FREM2: variants seen among roughly 807,000 people sequenced by gnomAD.
FREM2 encodes the protein FRAS1 related extracellular matrix 2.
FREM2 carries 119 observed loss-of-function variants against 219.9 expected under a neutral mutation model. The observed-to-expected ratio is 0.54, with a 90% CI of 0.47 to 0.63. FREM2 has a LOEUF of 0.63. Among genes scored for constraint, FREM2 ranks in the 30% least tolerant of loss-of-function variants. The pLI is 0.00. For missense variants in FREM2, 4,030 were observed against 3,993.6 expected, an observed-to-expected ratio of 1.01 and a Z score of -0.25; for synonymous variants, 1,562 against 1,522.8, an observed-to-expected ratio of 1.03 and a Z score of -0.60.
At position 38,784,702 on chromosome 13, in the gene FREM2, C is replaced by G. The variant is rs758752490; in HGVS notation, c.5913C>G (p.Tyr1971Ter). The change falls in exon 6 of 24, where the codon TAC (tyrosine) becomes TAG (stop). Residue 1971 changes from tyrosine (Y) to a stop codon, truncating the protein, a stop_gained. Transcript: ENST00000280481. LOFTEE classifies it high-confidence loss of function. ...TAGTCATAATTGATGACTCTTTGTA[C>G]GAGGAGGAGGAAACCTTCCATGTCC... is the stretch of plus-strand genomic sequence containing the variant. ...CRIVIIDDSL[Y>*]EEEETFHVLL... The G allele has an allele frequency of 1.2e-6, 2 of 1,613,952 alleles. No individual in the cohort carries two copies. Among genetic ancestry groups the G allele is most frequent in the Non-Finnish European group, 1.7e-6 (2 of 1,180,000 alleles).
chr13:38,732,604 C>T (rs1384410666), intron 2 of FREM2, among the ~76,000 whole-genome samples: 2 of 152,182 alleles, frequency 1.3e-5, no homozygotes, highest in Non-Finnish European at 2.9e-5. Flanking sequence ...AAATCAGACA[C>T]AACTGGGTTG....
Position 38,876,392 on chromosome 13 carries a change from A to G in FREM2, c.8544+10A>G, listed in dbSNP as rs1332033022. The G allele has an allele frequency of 1.2e-6, 2 of 1,611,874 alleles. No homozygotes were observed. The highest frequency in any genetic ancestry group is 2.2e-5 in the South Asian group (2 of 91,034). ...CATCCGATTCCAACAGGTGTGGCTT[A>G]TAGAATTACTATCTTATGACTTGCA... On this transcript the variant is annotated intron_variant, in intron 20 of 23. Transcript: ENST00000280481.
Position 38,774,190 on chromosome 13 carries a change from C to T in FREM2, c.5641+4382C>T, listed in dbSNP as rs1394004036. Among the ~76,000 whole-genome samples, 6 of 152,124 alleles carry T rather than the reference C, an allele frequency of 3.9e-5. No homozygotes were observed. In the East Asian group the frequency reaches 1.2e-3, roughly 29 times the overall value. ...AAACAACACAGTAATTTCTTCCCGT[C>T]TTATGCTCTTCTCTTTTCTCTTTCT... is the stretch of plus-strand genomic sequence containing the variant. On this transcript the variant is annotated intron_variant, in intron 4 of 23. Transcript: ENST00000280481.
At chr13:38,782,427 G>A (rs2137828958) in intron 4 of FREM2, among the ~76,000 whole-genome samples, 1 of 152,144 alleles carries the variant, frequency 6.6e-6, no homozygotes, top group Non-Finnish European at 1.5e-5. Flanking sequence ...ATGTTATTCT[G>A]TCAGGAGTGA....
At chr13:38,834,157 A>C (rs1201063940) in intron 6 of FREM2, among the ~76,000 whole-genome samples, 4 of 152,006 alleles carry the variant, frequency 2.6e-5, no homozygotes, top group African/African-American at 9.6e-5. Context: ...TCCTAATGCT[A>C]TCCCTCCCCT....
chr13:38,748,407 A>T (rs1289272976), intron 2 of FREM2, among the ~76,000 whole-genome samples: 6 of 152,240 alleles, frequency 3.9e-5, no homozygotes, highest in Admixed American at 3.9e-4. Flanking sequence ...TCTAACTATT[A>T]GTGTCAAATA....
intron 2 of FREM2, among the ~76,000 whole-genome samples, chr13:38,705,116 C>A (rs1470262116): frequency 6.6e-6 from 1 of 152,138 alleles, no homozygotes; most frequent in East Asian, 1.9e-4. Context: ...ATGATTCTTG[C>A]AGGTGTAGAG....
At chr13:38,875,125 T>C (rs1878297767) in intron 18 of FREM2, among the ~76,000 whole-genome samples, 1 of 151,520 alleles carries the variant, frequency 6.6e-6, no homozygotes, top group Non-Finnish European at 1.5e-5. Flanking sequence ...CAGCAGTCGA[T>C]AAAATCCCAC....
chr13:38,816,031 T>C (rs1441697305), intron 6 of FREM2, among the ~76,000 whole-genome samples: 3 of 152,010 alleles, frequency 2.0e-5, no homozygotes, highest in Non-Finnish European at 2.9e-5. Context: ...GATTGAACCA[T>C]GAAGAAATAG....
At chr13:38,787,751 T>G (rs976629039) in intron 6 of FREM2, among the ~76,000 whole-genome samples, 3 of 148,908 alleles carry the variant, frequency 2.0e-5, no homozygotes, top group African/African-American at 7.3e-5. Context: ...TTAATGTTAT[T>G]ATTTATTATT....
chr13:38,846,737 A>T lies in FREM2; in HGVS notation c.6169+15A>T. 1 of 1,613,362 alleles carries T rather than the reference A, an allele frequency of 6.2e-7. No homozygotes were observed. The highest frequency in any genetic ancestry group is 8.5e-7 in the Non-Finnish European group (1 of 1,179,446). On this transcript the variant is annotated intron_variant, in intron 7 of 23. Transcript: ENST00000280481. ...CTCTGCAGATGGTGAGCAGTTTCCC[A>T]CTCGGCTCTTTTGATTGTTCTGCAA...
chr13:38,861,652 T>A, intron 15 of FREM2, 90 bp downstream of exon 15: 1 of 1,424,182 alleles, frequency 7.0e-7, no homozygotes, highest in Non-Finnish European at 9.9e-7. Context: ...TAACCAAGCT[T>A]AAATAAACGT....
At position 38,867,560 on chromosome 13, in the gene FREM2, C is replaced by T. The variant is rs1229453944; in HGVS notation, c.7983+2954C>T. Among the ~76,000 whole-genome samples, 7 of 152,316 alleles carry T rather than the reference C, an allele frequency of 4.6e-5. No homozygotes were observed. In the South Asian group the frequency reaches 1.5e-3, roughly 32 times the overall value. The stretch of plus-strand genomic sequence containing the variant: ...AGAATAGATAGATGAGAAGGGATTC[C>T]TTATGAGAATTAGCTCACGAGATCG... On this transcript the variant is annotated intron_variant, in intron 16 of 23. Coordinates refer to ENST00000280481, the MANE Select transcript of FREM2 (RefSeq NM_207361.6).
chr13:38,701,552 C>T (rs1462910523), intron 2 of FREM2, among the ~76,000 whole-genome samples: 3 of 152,058 alleles, frequency 2.0e-5, no homozygotes, highest in African/African-American at 4.8e-5. Flanking sequence ...TGTAGTCAAA[C>T]ATTTTTATCT....
chr13:38,699,506 G>C (rs1361262128), intron 2 of FREM2, among the ~76,000 whole-genome samples: 3 of 152,096 alleles, frequency 2.0e-5, no homozygotes, highest in Non-Finnish European at 4.4e-5. Context: ...TGAAAATGTG[G>C]CAAGGCCTCC....
At chr13:38,764,068 C>A (rs1290782928) in intron 2 of FREM2, among the ~76,000 whole-genome samples, 2 of 152,104 alleles carry the variant, frequency 1.3e-5, no homozygotes, top group African/African-American at 2.4e-5. Context: ...TACCCATTAC[C>A]TACTTCCCCT....
intron 6 of FREM2, among the ~76,000 whole-genome samples, chr13:38,807,223 AT>A (rs1875277507): frequency 1.6e-5 from 2 of 124,118 alleles, no homozygotes; most frequent in Non-Finnish European, 3.4e-5. Context: ...ATATATATAT[AT>A]ATATGTATGG....
chr13:38,846,475 C>T (rs1877156899), intron 6 of FREM2, 98 bp from the exon 7 acceptor site: 1 of 1,236,300 alleles, frequency 8.1e-7, no homozygotes, highest in Non-Finnish European at 1.2e-6. Context: ...ATAAGGAAGT[C>T]CCTAAGAGGA....
intron 2 of FREM2, among the ~76,000 whole-genome samples, chr13:38,715,241 A>C (rs1223770091): frequency 6.6e-6 from 1 of 152,222 alleles, no homozygotes; most frequent in African/African-American, 2.4e-5. Context: ...AATGCAATAG[A>C]AGGAAAAAGA....
Sources: gnomAD v4.1 joint callset for allele counts (sites outside exome capture counted in the v4.1 genomes callset) on GRCh38, gnomAD v4.1.1 for gene constraint, MANE v1.5 for transcripts, NCBI Gene and HGNC (gene_info 2026-07-23, HGNC 2026-07-21) for gene names.